ASB4: variants seen among roughly 807,000 people sequenced by gnomAD.
ASB4 encodes the protein ankyrin repeat and SOCS box protein 4.
In ASB4, 35 loss-of-function variants were observed where a neutral mutation model predicts 38.6. That is an observed-to-expected ratio of 0.91 (90% CI 0.69 to 1.20). The LOEUF is 1.20. Among genes scored for constraint, ASB4 ranks in the 50% most tolerant of loss-of-function variants. The pLI is 0.00. For synonymous variants in ASB4, 195 were observed against 201.3 expected (o/e 0.97, Z 0.26); for missense variants, 557 against 527.2 (o/e 1.06, Z -0.55).
intron 2 of ASB4, among the ~76,000 whole-genome samples, chr7:95,513,229 CA>C (rs1457035181): frequency 3.7e-5 from 5 of 134,824 alleles, no homozygotes; most frequent in African/African-American, 1.4e-4. Flanking sequence ...AGCCCACTGT[CA>C]GGGTTTTTTT....
At chr7:95,492,576 C>A (rs1389327534) in intron 1 of ASB4, among the ~76,000 whole-genome samples, 1 of 152,166 alleles carries the variant, frequency 6.6e-6, no homozygotes, top group East Asian at 1.9e-4. Context: ...GATAATCTTC[C>A]CTCCAGCGCT....
At chr7:95,521,537 C>T (rs1050592565) in intron 2 of ASB4, among the ~76,000 whole-genome samples, 27 of 151,854 alleles carry the variant, frequency 1.8e-4, no homozygotes, top group African/African-American at 6.3e-4. Context: ...CATTACTTCC[C>T]AGTAATTCTA....
chr7:95,537,563 C>T lies in ASB4; in HGVS notation c.1093-8C>T. On this transcript the variant is annotated splice_region_variant and splice_polypyrimidine_tract_variant and intron_variant, in intron 4 of 4. Coordinates refer to ENST00000325885, the MANE Select transcript of ASB4 (RefSeq NM_016116.3). ...GCTAACTTTAATTTGTCTTGCCTTC[C>T]TTTTCAGAAATACTGGGATTTTTAC... 1.3e-6 allele frequency: 2 copies of T among 1,584,274 alleles called. No homozygotes were observed. Among genetic ancestry groups the T allele is most frequent in the Non-Finnish European group, 1.7e-6 (2 of 1,162,932 alleles).
intron 2 of ASB4, among the ~76,000 whole-genome samples, chr7:95,503,805 G>GGCTCTTTGTGGAAAAGT (rs1223226257): frequency 6.6e-6 from 1 of 152,124 alleles, no homozygotes; most frequent in Non-Finnish European, 1.5e-5. Flanking sequence ...CTATTTAATG[G>GGCTCTTTGTGGAAAAGT]GCTCTTTGTG....
intron 2 of ASB4, among the ~76,000 whole-genome samples, chr7:95,501,005 T>C (rs2116599695): frequency 6.6e-6 from 1 of 152,338 alleles, no homozygotes; most frequent in South Asian, 2.1e-4. Flanking sequence ...TTCATTTATG[T>C]TTAGATTTAG....
chr7:95,494,820 A>G (rs929028022), intron 1 of ASB4, among the ~76,000 whole-genome samples: 3 of 151,432 alleles, frequency 2.0e-5, no homozygotes, highest in East Asian at 1.9e-4. Context: ...AGTGGGAGAA[A>G]AGAGAGAGAG....
At chr7:95,541,205 A>T (rs1339095999), downstream of ASB4, among the ~76,000 whole-genome samples, 1 of 152,174 alleles carries the variant, frequency 6.6e-6, no homozygotes, top group African/African-American at 2.4e-5. Flanking sequence ...CACCTGCTCC[A>T]GGCCTCAGTT....
chr7:95,509,417 CA>C (rs947438678), intron 2 of ASB4, among the ~76,000 whole-genome samples: 130 of 152,256 alleles, frequency 8.5e-4, no homozygotes, highest in African/African-American at 3.0e-3. Context: ...TGACCAACGC[CA>C]TGTCTCCGGG....
upstream of ASB4, among the ~76,000 whole-genome samples, chr7:95,481,943 A>G (rs1258330415): frequency 1.3e-5 from 2 of 152,218 alleles, no homozygotes; most frequent in Non-Finnish European, 2.9e-5. Context: ...GCCTGACTAG[A>G]CAGTGTGAAA....
chr7:95,523,445 A>G (rs1304023094), intron 2 of ASB4, among the ~76,000 whole-genome samples: 1 of 152,194 alleles, frequency 6.6e-6, no homozygotes, highest in Non-Finnish European at 1.5e-5. Flanking sequence ...AAGAAATACC[A>G]TTAGTTAATA....
chr7:95,545,264 A>C, the ASB4 span, among the ~76,000 whole-genome samples: 1 of 152,198 alleles, frequency 6.6e-6, no homozygotes, highest in Non-Finnish European at 1.5e-5. Context: ...AAATTAAACC[A>C]GAAAGATCAA....
rs1374786340 is a variant in ASB4, at chr7:95,536,480, T to C, written c.1022T>C (p.Val341Ala). The C allele has an allele frequency of 1.9e-6, 3 of 1,613,404 alleles. No homozygotes were observed. Among genetic ancestry groups the C allele is most frequent in the Non-Finnish European group, 2.5e-6 (3 of 1,179,540 alleles). Residue 341 changes from valine to alanine, a missense_variant, in exon 4 of 5, where the codon GTA becomes GCA. Coordinates refer to ENST00000325885, the MANE Select transcript of ASB4 (RefSeq NM_016116.3). Reference sequence around the variant, plus strand: ...TCTTGTCCTAAAGCAATTGAAGTTGTAGTCAATGCCTATGAACACATCAGA... The same window carrying C: ...TCTTGTCCTAAAGCAATTGAAGTTGCAGTCAATGCCTATGAACACATCAGA... Reference protein sequence around the residue: ...CHSCPKAIEVVVNAYEHIRWN... With the variant: ...CHSCPKAIEVAVNAYEHIRWN...
intron 2 of ASB4, among the ~76,000 whole-genome samples, chr7:95,515,867 A>T (rs188102891): frequency 6.6e-6 from 1 of 152,358 alleles, no homozygotes; most frequent in African/African-American, 2.4e-5. Context: ...CACTCAAAAA[A>T]GTAGGCTCAC....
intron 2 of ASB4, among the ~76,000 whole-genome samples, chr7:95,502,679 C>A (rs947345592): frequency 6.6e-6 from 1 of 152,136 alleles, no homozygotes; most frequent in East Asian, 1.9e-4. Context: ...AGACTTTCTC[C>A]TAATTCTGTA....
chr7:95,545,652 T>G, the ASB4 span, among the ~76,000 whole-genome samples: 3 of 152,202 alleles, frequency 2.0e-5, no homozygotes, highest in Middle Eastern at 3.2e-3. Context: ...GGCTAGGATC[T>G]CAGTGTGAGC....
downstream of ASB4, chr7:95,543,005 G>A (rs1790990853): frequency 1.3e-5 from 2 of 152,214 alleles, no homozygotes; most frequent in South Asian, 4.1e-4. Flanking sequence ...GATGTAGAAG[G>A]TAGGTACTGA....
At chr7:95,522,426 G>C (rs1040410630) in intron 2 of ASB4, among the ~76,000 whole-genome samples, 2 of 152,078 alleles carry the variant, frequency 1.3e-5, no homozygotes, top group African/African-American at 4.8e-5. Flanking sequence ...TATCATTTAG[G>C]ATAATCTTTC....
At chr7:95,499,913 G>T (rs187175477) in intron 2 of ASB4, among the ~76,000 whole-genome samples, 1,881 of 119,444 alleles carry the variant, frequency 0.016, 55 homozygotes, top group Admixed American at 0.086. Flanking sequence ...TCGCTTTGTC[G>T]CCTGGGCTGG....
At chr7:95,528,781 A>G in intron 3 of ASB4, 1 of 774,354 alleles carries the variant, frequency 1.3e-6, no homozygotes, top group Non-Finnish European at 1.6e-6. Context: ...TGTATAATAA[A>G]TAAGCACACT....
Sources: allele counts gnomAD v4.1 joint callset (sites outside exome capture counted in the v4.1 genomes callset), GRCh38; gene constraint gnomAD v4.1.1; transcripts MANE v1.5; gene names NCBI Gene and HGNC (gene_info 2026-07-23, HGNC 2026-07-21).